Variants in HSPA4L observed in about 807,000 individuals in gnomAD.
The protein encoded by HSPA4L is heat shock 70 kDa protein 4L.
A neutral mutation model predicts 100.3 loss-of-function variants in HSPA4L; 48 were observed. The observed-to-expected ratio is 0.48, with a 90% CI of 0.38 to 0.61. The LOEUF is 0.61. HSPA4L is among the 20% of genes least tolerant of loss of function. The pLI, the probability that HSPA4L is intolerant of heterozygous loss-of-function variation, is 0.00. For synonymous variants in HSPA4L, 319 were observed against 328.2 expected, an observed-to-expected ratio of 0.97 and a Z score of 0.30; for missense variants, 886 against 988.6, an observed-to-expected ratio of 0.90 and a Z score of 1.39.
Position 127,784,343 on chromosome 4 carries a change from T to G in HSPA4L, c.107+1686T>G, listed in dbSNP as rs995266783. Among the ~76,000 whole-genome samples, 14 of 152,244 alleles carry G rather than the reference T, an allele frequency of 9.2e-5. 1 individual carries two copies. The highest frequency in any genetic ancestry group is 3.1e-4 in the African/African-American group (13 of 41,468). Reference sequence around the variant, plus strand: ...CCAGGCTGAGAAATCTCTTTAGCAGTGAGTGAACCTGTGATTCTTTAAAGA... The same window carrying G: ...CCAGGCTGAGAAATCTCTTTAGCAGGGAGTGAACCTGTGATTCTTTAAAGA... On this transcript the variant is annotated intron_variant, in intron 1 of 18. Coordinates refer to ENST00000296464, the MANE Select transcript of HSPA4L (RefSeq NM_014278.4).
intron 1 of HSPA4L, 98 bp from the exon 2 acceptor site, chr4:127,793,979 T>G (rs546780188): frequency 2.7e-6 from 2 of 752,118 alleles, no homozygotes; most frequent in Non-Finnish European, 4.3e-6. Flanking sequence ...TATGGTTATA[T>G]TTCTCCTTTT....
In HSPA4L at chr4:127,837,305, G is replaced by A. The variant is rs2148804987; in HGVS notation, c.*4431G>A. On this transcript the variant is annotated 3_prime_UTR_variant, in exon 19 of 19. Coordinates refer to ENST00000296464, the MANE Select transcript of HSPA4L (RefSeq NM_014278.4). ...TTTGTGGTTAAACTTCTAAAGTTTTGAACTGTAAGCAGAATTTTGTTTTGT... is the reference window on the plus strand; with the variant it reads ...TTTGTGGTTAAACTTCTAAAGTTTTAAACTGTAAGCAGAATTTTGTTTTGT... 3 of 152,266 alleles carry A rather than the reference G, an allele frequency of 2.0e-5. 1 individual carries two copies. In the South Asian group the frequency reaches 6.2e-4, roughly 32 times the overall value. 9.4% of individuals were successfully genotyped at this position (152,266 alleles called of 1,614,324 possible).
At chr4:127,806,000 A>C (rs1052850003) in intron 10 of HSPA4L, among the ~76,000 whole-genome samples, 1 of 152,028 alleles carries the variant, frequency 6.6e-6, no homozygotes, top group African/African-American at 2.4e-5. Context: ...AAGTAAAACA[A>C]GGCTCATTTT....
At chr4:127,814,251 G>A (rs1031991574) in intron 12 of HSPA4L, among the ~76,000 whole-genome samples, 1 of 152,164 alleles carries the variant, frequency 6.6e-6, no homozygotes, top group Non-Finnish European at 1.5e-5. Flanking sequence ...TAGAACATTT[G>A]CAGGCAGTTG....
chr4:127,801,961 C>G (rs551486382), intron 6 of HSPA4L, 43 bp downstream of exon 6: 1 of 1,499,758 alleles, frequency 6.7e-7, no homozygotes, highest in South Asian at 1.3e-5. Flanking sequence ...ATGTTAAGAA[C>G]ACAGACTAAA....
chr4:127,789,599 G>A (rs1347109070), intron 1 of HSPA4L, among the ~76,000 whole-genome samples: 1 of 151,572 alleles, frequency 6.6e-6, no homozygotes, highest in Non-Finnish European at 1.5e-5. Context: ...AGTGAGCTGA[G>A]ACTGCGCTAC....
chr4:127,828,992 A>C (rs1177295991), intron 17 of HSPA4L, among the ~76,000 whole-genome samples: 2 of 152,162 alleles, frequency 1.3e-5, no homozygotes, highest in African/African-American at 4.8e-5. Context: ...CTTGTTTTTA[A>C]TATGCTTCAA....
At position 127,839,068 on chromosome 4, in the gene HSPA4L, A is replaced by G. The variant is rs1444326540; in HGVS notation, c.*6194A>G. 1 of 152,214 alleles carries G rather than the reference A, an allele frequency of 6.6e-6. No individual in the cohort carries two copies. The highest frequency in any genetic ancestry group is 6.5e-5 in the Admixed American group (1 of 15,280). 9.4% of individuals were successfully genotyped at this position (152,214 alleles called of 1,614,324 possible). ...GTGAGTATTGCCTATTAAGTAAACA[A>G]CATCCCTCATTTTTAATCCAAATAT... On this transcript the variant is annotated 3_prime_UTR_variant, in exon 19 of 19. Transcript: ENST00000296464.
Position 127,832,837 on chromosome 4 carries a change from A to G in HSPA4L, c.2483A>G (p.Gln828Arg). 1 of 1,612,268 alleles carries G rather than the reference A, an allele frequency of 6.2e-7. No homozygotes were observed. The stretch of plus-strand genomic sequence containing the variant: ...TCAGATTCAACAAAAGACAGCTCAC[A>G]GCATACTAAATCCTCTGGAGAGATG... ...TKSDSTKDSS[Q>R]HTKSSGEMEV... The change falls in exon 19 of 19, where the codon CAG becomes CGG. Residue 828 changes from glutamine to arginine, a missense_variant. Transcript: ENST00000296464.
intron 6 of HSPA4L, 67 bp from the exon 7 acceptor site, chr4:127,803,562 G>T (rs1416907624): frequency 1.4e-6 from 2 of 1,396,952 alleles, no homozygotes; most frequent in Non-Finnish European, 1.9e-6. Flanking sequence ...TATTTTAGAG[G>T]TTTTTCTTTT....
chr4:127,794,929 T>G (rs1450565091), intron 2 of HSPA4L, among the ~76,000 whole-genome samples: 1 of 152,186 alleles, frequency 6.6e-6, no homozygotes, highest in Non-Finnish European at 1.5e-5. Context: ...TAATATTCTG[T>G]AATTTGAACT....
upstream of HSPA4L, chr4:127,781,964 A>G: frequency 2.3e-6 from 1 of 433,314 alleles, no homozygotes; most frequent in Non-Finnish European, 4.6e-6. Flanking sequence ...AATGTGCCTC[A>G]AAACACGTTC....
chr4:127,818,104 A>G (rs974374109), intron 12 of HSPA4L, among the ~76,000 whole-genome samples: 2 of 151,876 alleles, frequency 1.3e-5, no homozygotes, highest in Non-Finnish European at 2.9e-5. Flanking sequence ...ACTTAGCCAT[A>G]GATAAACAAG....
chr4:127,781,822 T>G (rs1479550050), upstream of HSPA4L: 2 of 259,908 alleles, frequency 7.7e-6, no homozygotes, highest in Non-Finnish European at 1.6e-5. Flanking sequence ...GGGCTGCACA[T>G]GGGCCCCTCG....
chr4:127,808,667 G>T (rs1029196953), intron 11 of HSPA4L, among the ~76,000 whole-genome samples: 11 of 152,094 alleles, frequency 7.2e-5, no homozygotes, highest in African/African-American at 1.9e-4. Flanking sequence ...TGTATAAAAG[G>T]TTCTTCCATC....
At chr4:127,828,491 A>G (rs1244086008) in intron 17 of HSPA4L, among the ~76,000 whole-genome samples, 1 of 152,168 alleles carries the variant, frequency 6.6e-6, no homozygotes, top group Non-Finnish European at 1.5e-5. Flanking sequence ...TTACCCAAGT[A>G]GTTAATGATG....
At chr4:127,831,922 C>A (rs1458525923) in intron 18 of HSPA4L, among the ~76,000 whole-genome samples, 1 of 151,326 alleles carries the variant, frequency 6.6e-6, no homozygotes. Flanking sequence ...TTTATTCTAA[C>A]AAAGTTTTGC....
intron 12 of HSPA4L, among the ~76,000 whole-genome samples, chr4:127,811,933 A>G (rs1004753611): frequency 6.6e-6 from 1 of 152,226 alleles, no homozygotes; most frequent in Admixed American, 6.5e-5. Flanking sequence ...CCATTAAAAC[A>G]TGTATTTTAT....
intron 1 of HSPA4L, among the ~76,000 whole-genome samples, chr4:127,789,615 T>G (rs1732817051): frequency 6.6e-6 from 1 of 151,254 alleles, no homozygotes; most frequent in South Asian, 2.1e-4. Flanking sequence ...GCTACTGCAC[T>G]CCAGCCTGGG....
Sources: gnomAD v4.1 joint callset for allele counts (sites outside exome capture counted in the v4.1 genomes callset) on GRCh38, gnomAD v4.1.1 for gene constraint, MANE v1.5 for transcripts, NCBI Gene and HGNC (gene_info 2026-07-23, HGNC 2026-07-21) for gene names.